The following LAMA2 variants were observed in gnomAD, a reference collection of about 807,000 sequenced individuals.
The protein encoded by LAMA2 is laminin subunit alpha-2.
A neutral mutation model predicts 364.8 loss-of-function variants in LAMA2; 269 were observed. That is an observed-to-expected ratio of 0.74 (90% confidence interval 0.67 to 0.82). The LOEUF (loss-of-function observed/expected upper bound fraction) is 0.82. Ranked by LOEUF, LAMA2 falls within the 40% of genes least tolerant of loss-of-function variation. The pLI is 0.00. For synonymous variants in LAMA2, 1,379 were observed against 1,370.6 expected, an observed-to-expected ratio of 1.01 and a Z score of -0.14; for missense variants, 3,807 against 3,873.2, an observed-to-expected ratio of 0.98 and a Z score of 0.45.
chr6:129,216,958 A>C (rs1783462719), intron 12 of LAMA2, among the ~76,000 whole-genome samples: 1 of 152,182 alleles, frequency 6.6e-6, no homozygotes, highest in Admixed American at 6.5e-5. Context: ...TGGGAGGCTG[A>C]GGCGGGTGGA....
chr6:129,478,019 CGT>C (rs1784161312), intron 53 of LAMA2, among the ~76,000 whole-genome samples: 2 of 152,112 alleles, frequency 1.3e-5, no homozygotes, highest in Non-Finnish European at 2.9e-5. Flanking sequence ...GTCTTGAACT[CGT>C]GGCCTCAAGC....
At chr6:128,981,388 T>C (rs970554055) in intron 1 of LAMA2, among the ~76,000 whole-genome samples, 1 of 152,024 alleles carries the variant, frequency 6.6e-6, no homozygotes, top group African/African-American at 2.4e-5. Context: ...CACCCTTGCC[T>C]GCACTTCTAG....
chr6:128,907,928 G>A (rs1777610966), intron 1 of LAMA2, among the ~76,000 whole-genome samples: 1 of 152,092 alleles, frequency 6.6e-6, no homozygotes, highest in Non-Finnish European at 1.5e-5. Flanking sequence ...TTTATATGCT[G>A]GATTACATTT....
rs946534267 is a variant in LAMA2 at position 129,427,236 on chromosome 6, T to C, written c.5866-516T>C. ...ATGCATTTTTTAAAAGAAGCAGTGT[T>C]CTTTCTCATTTCAGCACTTGGGAGA... is the stretch of plus-strand genomic sequence containing the variant. On this transcript the variant is annotated intron_variant, in intron 40 of 64. Transcript: ENST00000421865. 6.6e-5 allele frequency among the ~76,000 whole-genome samples: 10 copies of C among 152,184 alleles called. 1 individual carries two copies. Among genetic ancestry groups the C allele is most frequent in the Admixed American group, 5.9e-4 (9 of 15,280 alleles).
chr6:129,118,949 T>A (rs1427632052), intron 4 of LAMA2, among the ~76,000 whole-genome samples: 1 of 152,238 alleles, frequency 6.6e-6, no homozygotes, highest in East Asian at 1.9e-4. Flanking sequence ...ACTGAAAGTT[T>A]TGTTGTAATA....
intron 27 of LAMA2, among the ~76,000 whole-genome samples, chr6:129,316,600 G>A (rs1047534110): frequency 6.6e-6 from 1 of 152,158 alleles, no homozygotes; most frequent in African/African-American, 2.4e-5. Flanking sequence ...TCACCCCAGT[G>A]TGCCATACAA....
At chr6:129,269,063 T>G (rs1787732911) in intron 16 of LAMA2, among the ~76,000 whole-genome samples, 1 of 152,122 alleles carries the variant, frequency 6.6e-6, no homozygotes, top group Non-Finnish European at 1.5e-5. Context: ...GCATGAAAAA[T>G]AAATTTATAA....
At chr6:129,224,169 T>A (rs940113982) in intron 12 of LAMA2, among the ~76,000 whole-genome samples, 1 of 152,216 alleles carries the variant, frequency 6.6e-6, no homozygotes, top group Non-Finnish European at 1.5e-5. Context: ...TGTATAAGAA[T>A]GCTTGTGATT....
chr6:129,116,126 T>C (rs1195230569), intron 4 of LAMA2, among the ~76,000 whole-genome samples: 5 of 152,122 alleles, frequency 3.3e-5, no homozygotes, highest in Non-Finnish European at 7.4e-5. Context: ...TAAAAGCAGG[T>C]AGAGAATCAT....
chr6:129,233,675 G>A (rs1012057809), intron 12 of LAMA2, among the ~76,000 whole-genome samples: 4 of 152,234 alleles, frequency 2.6e-5, no homozygotes, highest in Admixed American at 1.3e-4. Flanking sequence ...AAGAAAATCC[G>A]CGTATAAATG....
chr6:128,926,337 C>T (rs1400948653), intron 1 of LAMA2, among the ~76,000 whole-genome samples: 1 of 152,098 alleles, frequency 6.6e-6, no homozygotes, highest in Non-Finnish European at 1.5e-5. Flanking sequence ...GGCCTCTGTT[C>T]TTTAGATATG....
chr6:128,917,383 G>A (rs947904030), intron 1 of LAMA2, among the ~76,000 whole-genome samples: 1 of 152,004 alleles, frequency 6.6e-6, no homozygotes, highest in African/African-American at 2.4e-5. Flanking sequence ...TCAATTAAAA[G>A]TCATTTTATC....
At chr6:129,307,610 C>T (rs1167005886) in intron 22 of LAMA2, among the ~76,000 whole-genome samples, 1 of 152,164 alleles carries the variant, frequency 6.6e-6, no homozygotes, top group African/African-American at 2.4e-5. Context: ...AATCACAGTC[C>T]TGTGCTTCCT....
At chr6:129,486,058 T>G (rs1223596156) in intron 55 of LAMA2, among the ~76,000 whole-genome samples, 1 of 152,242 alleles carries the variant, frequency 6.6e-6, no homozygotes, top group Non-Finnish European at 1.5e-5. Flanking sequence ...AGAGAACAAA[T>G]TGAAGTCTAA....
intron 6 of LAMA2, 105 bp downstream of exon 6, chr6:129,147,153 C>G (rs926262283): frequency 1.2e-5 from 9 of 781,236 alleles, no homozygotes; most frequent in Non-Finnish European, 1.9e-5. Context: ...AGTCAGGTCC[C>G]CACTTAGACA....
At chr6:129,407,199 C>G (rs1780290615) in intron 40 of LAMA2, among the ~76,000 whole-genome samples, 1 of 152,132 alleles carries the variant, frequency 6.6e-6, no homozygotes, top group Admixed American at 6.6e-5. Context: ...GCAACACCCT[C>G]ACAGAGACAC....
At chr6:129,286,423 G>T (rs567301497) in intron 18 of LAMA2, among the ~76,000 whole-genome samples, 1 of 149,678 alleles carries the variant, frequency 6.7e-6, no homozygotes, top group Non-Finnish European at 1.5e-5. Flanking sequence ...CTGCACACCT[G>T]TAGCAGTAAG....
chr6:129,288,968 A>C (rs1403544146), intron 19 of LAMA2, among the ~76,000 whole-genome samples: 1 of 152,200 alleles, frequency 6.6e-6, no homozygotes, highest in Admixed American at 6.5e-5. Flanking sequence ...GCAGAATTAT[A>C]GAAACCACTG....
chr6:129,081,623 T>C (rs1387124267), intron 3 of LAMA2, among the ~76,000 whole-genome samples: 1 of 152,202 alleles, frequency 6.6e-6, no homozygotes, highest in East Asian at 1.9e-4. Context: ...AGATTATCAT[T>C]GGTCCATTTT....
Sources: gnomAD v4.1 joint callset for allele counts (sites outside exome capture counted in the v4.1 genomes callset) on GRCh38, gnomAD v4.1.1 for gene constraint, MANE v1.5 for transcripts, NCBI Gene and HGNC (gene_info 2026-07-23, HGNC 2026-07-21) for gene names.